The following MARCHF4 variants were observed in gnomAD, a reference collection of about 807,000 sequenced individuals.
MARCHF4 encodes E3 ubiquitin-protein ligase MARCHF4.
Under a neutral mutation model 43.9 loss-of-function variants are expected in MARCHF4, and 14 were observed. The observed-to-expected ratio is 0.32, with a 90% CI of 0.21 to 0.50. The LOEUF (loss-of-function observed/expected upper bound fraction) is 0.50. Among genes scored for constraint, MARCHF4 ranks in the 20% least tolerant of loss-of-function variants. The pLI is 0.98. For synonymous variants in MARCHF4, 226 were observed against 213.3 expected (o/e 1.06, Z -0.52); for missense variants, 468 against 536.7 (o/e 0.87, Z 1.27).
intron 1 of MARCHF4, among the ~76,000 whole-genome samples, chr2:216,323,240 T>C (rs1324466386): frequency 6.6e-6 from 1 of 152,220 alleles, no homozygotes; most frequent in East Asian, 1.9e-4. Flanking sequence ...TGGGTAAGAA[T>C]CTGGGCCCTG....
chr2:216,339,911 G>A (rs28736784), intron 1 of MARCHF4, among the ~76,000 whole-genome samples: 56,077 of 151,610 alleles, frequency 0.37, 10,912 homozygotes, highest in East Asian at 0.65. Context: ...CATCTCTCTG[G>A]GCCTCCTGCT....
At position 216,324,809 on chromosome 2, in the gene MARCHF4, G is replaced by A. The variant is rs1198304979; in HGVS notation, c.517-41080C>T. Among the ~76,000 whole-genome samples, 12 of 112,208 alleles carry A rather than the reference G, an allele frequency of 1.1e-4. 2 individuals are homozygous for A. Among genetic ancestry groups the A allele is most frequent in the African/African-American group, 2.9e-4 (7 of 23,840 alleles). 73.6% of individuals were successfully genotyped at this position (112,208 alleles called of 152,430 possible). ...TCAATAAATTAGGTATTGATGGGTC[G>A]TATCTCAAAATAATAAGAGCTATCT... On this transcript the variant is annotated intron_variant, in intron 1 of 3. Transcript: ENST00000273067.
At chr2:216,295,590 A>G (rs943774551) in intron 1 of MARCHF4, among the ~76,000 whole-genome samples, 1 of 152,186 alleles carries the variant, frequency 6.6e-6, no homozygotes, top group African/African-American at 2.4e-5. Context: ...ACCTATCCAT[A>G]CTTCATCCCT....
At chr2:216,294,378 C>T (rs1691357813) in intron 1 of MARCHF4, among the ~76,000 whole-genome samples, 2 of 152,248 alleles carry the variant, frequency 1.3e-5, no homozygotes, top group South Asian at 4.1e-4. Context: ...AATTAATATT[C>T]AGTGTATTCA....
chr2:216,342,826 G>C (rs1037996307), intron 1 of MARCHF4, among the ~76,000 whole-genome samples: 1 of 152,196 alleles, frequency 6.6e-6, no homozygotes, highest in African/African-American at 2.4e-5. Context: ...GCTGCTCCTG[G>C]GTTCCAGTCT....
At position 216,370,065 on chromosome 2, in the gene MARCHF4, C is replaced by T. The variant is rs989370635; in HGVS notation, c.196G>A (p.Gly66Ser). 4.5e-6 allele frequency: 7 copies of T among 1,566,448 alleles called. No individual in the cohort carries two copies. The highest frequency in any genetic ancestry group is 6.1e-6 in the Non-Finnish European group (7 of 1,155,188). Residue 66 changes from glycine to serine, a missense_variant, in exon 1 of 4, where the codon GGC (glycine) becomes AGC (serine). Physicochemically the swap from Gly to Ser is moderately conservative, Grantham distance 56. Around this residue, in one of 3 missense-constraint regions of MARCHF4, gnomAD observed 190 missense variants for 158.5 expected, o/e 1.20. Coordinates refer to ENST00000273067, the MANE Select transcript of MARCHF4 (RefSeq NM_020814.3). Reference protein sequence around the residue: ...RPPQAPLPMHGDPQPPGLAAN... With the variant: ...RPPQAPLPMHSDPQPPGLAAN... ...GCCAAACCGGGGGGCTGGGGGTCGC[C>T]GTGCATGGGCAGGGGCGCTTGAGGA...
chr2:216,348,975 T>A (rs1692360940), intron 1 of MARCHF4, among the ~76,000 whole-genome samples: 1 of 152,184 alleles, frequency 6.6e-6, no homozygotes, highest in Non-Finnish European at 1.5e-5. Context: ...TATATCACAG[T>A]CCTTCAGTCT....
chr2:216,354,913 T>TCC lies in MARCHF4; in HGVS notation c.516+14831_516+14832insGG, dbSNP rs2105981141. ...TTGTTTTCTTTCTTTCTTTCTTTCT[T>TCC]TCTTTCTTTCTTTCTTTCTTTCTTT... On this transcript the variant is annotated intron_variant, in intron 1 of 3. Coordinates refer to ENST00000273067, the MANE Select transcript of MARCHF4 (RefSeq NM_020814.3). 3.1e-5 allele frequency among the ~76,000 whole-genome samples: 3 copies of TCC among 96,820 alleles called. No individual in the cohort carries two copies. In the East Asian group the frequency reaches 9.4e-4, roughly 30 times the overall value. The allele number at this position is 96,820 out of a possible 152,430, so 63.5% of individuals were successfully genotyped here. A position where few individuals can be genotyped will look rare whatever the true frequency, so the allele number is the denominator to read the frequency against.
chr2:216,323,918 G>A (rs1691946018), intron 1 of MARCHF4, among the ~76,000 whole-genome samples: 1 of 152,058 alleles, frequency 6.6e-6, no homozygotes, highest in Non-Finnish European at 1.5e-5. Context: ...AAAAGCAAGA[G>A]CAAACACATT....
At chr2:216,273,437 AT>A (rs1042044311) in intron 3 of MARCHF4, among the ~76,000 whole-genome samples, 7 of 152,134 alleles carry the variant, frequency 4.6e-5, no homozygotes, top group Non-Finnish European at 2.9e-5. Flanking sequence ...TGATGATAAC[AT>A]TTTTATCTCA....
At chr2:216,294,030 T>C (rs1285333129) in intron 1 of MARCHF4, among the ~76,000 whole-genome samples, 1 of 152,224 alleles carries the variant, frequency 6.6e-6, no homozygotes, top group Admixed American at 6.5e-5. Flanking sequence ...TGCTCTCAGT[T>C]CTCCCCCTGG....
intron 1 of MARCHF4, among the ~76,000 whole-genome samples, chr2:216,361,270 T>C (rs1692573607): frequency 6.6e-6 from 1 of 152,058 alleles, no homozygotes; most frequent in East Asian, 1.9e-4. Context: ...CTAGATATAA[T>C]CATGAAGCAT....
Position 216,352,605 on chromosome 2 carries a change from C to A in MARCHF4, c.516+17140G>T, listed in dbSNP as rs578243109. ...CTCCTGGGCTCAAGCCAGCCTCCCACCTTGGCCTCCCCAAGTGCTAGGATT... is the reference window on the plus strand; with the variant it reads ...CTCCTGGGCTCAAGCCAGCCTCCCAACTTGGCCTCCCCAAGTGCTAGGATT... On this transcript the variant is annotated intron_variant, in intron 1 of 3. Coordinates refer to ENST00000273067, the MANE Select transcript of MARCHF4 (RefSeq NM_020814.3). 2.6e-5 allele frequency among the ~76,000 whole-genome samples: 4 copies of A among 152,186 alleles called. No individual in the cohort carries two copies. In the East Asian group the frequency reaches 5.8e-4, roughly 22 times the overall value.
intron 3 of MARCHF4, among the ~76,000 whole-genome samples, chr2:216,260,779 C>T (rs1424678155): frequency 6.6e-6 from 1 of 152,148 alleles, no homozygotes; most frequent in Non-Finnish European, 1.5e-5. Flanking sequence ...ATCTGATTCA[C>T]CCTTCATAAA....
chr2:216,356,254 C>T (rs1182586268), intron 1 of MARCHF4, among the ~76,000 whole-genome samples: 1 of 152,232 alleles, frequency 6.6e-6, no homozygotes, highest in Non-Finnish European at 1.5e-5. Context: ...ATTGGGGAAA[C>T]TTTCCTGGCC....
At chr2:216,305,802 T>C (rs1691577439) in intron 1 of MARCHF4, among the ~76,000 whole-genome samples, 1 of 152,228 alleles carries the variant, frequency 6.6e-6, no homozygotes, top group Non-Finnish European at 1.5e-5. Flanking sequence ...AAGGGCTGAT[T>C]GTCCTTGCCA....
At chr2:216,315,901 A>C (rs1691767047) in intron 1 of MARCHF4, among the ~76,000 whole-genome samples, 2 of 152,210 alleles carry the variant, frequency 1.3e-5, no homozygotes, top group African/African-American at 4.8e-5. Flanking sequence ...GAACTGGAAG[A>C]GGATCCCATC....
At chr2:216,264,368 T>C (rs999212987) in intron 3 of MARCHF4, among the ~76,000 whole-genome samples, 2 of 152,192 alleles carry the variant, frequency 1.3e-5, no homozygotes, top group African/African-American at 4.8e-5. Context: ...TGAGAGATGC[T>C]GAACAAAGAG....
chr2:216,365,463 T>A (rs1510838), intron 1 of MARCHF4, among the ~76,000 whole-genome samples: 1 of 151,906 alleles, frequency 6.6e-6, no homozygotes, highest in African/African-American at 2.4e-5. Context: ...AGCTGGGAGG[T>A]GGATTCACCT....
Sources: allele counts gnomAD v4.1 joint callset (sites outside exome capture counted in the v4.1 genomes callset), GRCh38; gene constraint gnomAD v4.1.1; regional missense constraint gnomAD v4.1.1; transcripts MANE v1.5; gene names NCBI Gene and HGNC (gene_info 2026-07-23, HGNC 2026-07-21).